ATP8B4: variants seen among roughly 807,000 people sequenced by gnomAD.
ATP8B4 encodes probable phospholipid-transporting ATPase IM.
Under a neutral mutation model 145.6 loss-of-function variants are expected in ATP8B4, and 133 were observed. The ratio of observed to expected loss-of-function variants is 0.91; its 90% CI spans 0.79 to 1.05. The LOEUF (loss-of-function observed/expected upper bound fraction) is 1.05, where lower values mean the gene tolerates loss of function less well. ATP8B4 is among the 50% of genes least tolerant of loss of function. The probability of loss-of-function intolerance (pLI) is 0.00; values close to 1 mark genes in which losing one functional copy is unlikely to be tolerated. For synonymous variants in ATP8B4, 507 were observed against 492.9 expected, an observed-to-expected ratio of 1.03 and a Z score of -0.38; for missense variants, 1,458 against 1,425.2, an observed-to-expected ratio of 1.02 and a Z score of -0.37.
At chr15:50,115,645 T>A (rs1472668281) in intron 1 of ATP8B4, among the ~76,000 whole-genome samples, 1 of 151,952 alleles carries the variant, frequency 6.6e-6, no homozygotes, top group Non-Finnish European at 1.5e-5. Context: ...ATAGGAAGAA[T>A]GTGCAGTGAT....
At chr15:50,023,783 AAAAAAAAAAAAAAG>A (rs983073846) in intron 6 of ATP8B4, among the ~76,000 whole-genome samples, 9 of 147,114 alleles carry the variant, frequency 6.1e-5, no homozygotes, top group African/African-American at 2.2e-4. Flanking sequence ...CAAAGGCAAA[AAAAAAAAAAAAAAG>A]AAAAAAAAGA....
intron 6 of ATP8B4, among the ~76,000 whole-genome samples, chr15:50,015,813 T>A (rs181221310): frequency 2.0e-5 from 3 of 152,332 alleles, no homozygotes; most frequent in Non-Finnish European, 4.4e-5. Context: ...TTGGAATCTA[T>A]TTATTTTAAA....
intron 1 of ATP8B4, among the ~76,000 whole-genome samples, chr15:50,168,098 T>C (rs1233617499): frequency 6.6e-6 from 1 of 151,584 alleles, no homozygotes; most frequent in East Asian, 1.9e-4. Flanking sequence ...AAGAATTGAA[T>C]AAGAAGAAAA....
rs539161376 is a variant in ATP8B4, at chr15:49,929,195, G to T, written c.1642+1924C>A. Among the ~76,000 whole-genome samples, 67 of 152,194 alleles carry T rather than the reference G, an allele frequency of 4.4e-4. 2 individuals carry two copies. In the South Asian group the frequency reaches 0.012, roughly 28 times the overall value. ...AAAAGACCAGATTTTGGAAAACCTG[G>T]GTTCACATATCTGATCTGCCTCTTA... On this transcript the variant is annotated intron_variant, in intron 16 of 27. Transcript: ENST00000284509.
At chr15:50,071,894 C>A (rs554652377) in intron 3 of ATP8B4, among the ~76,000 whole-genome samples, 1 of 152,244 alleles carries the variant, frequency 6.6e-6, no homozygotes, top group East Asian at 1.9e-4. Flanking sequence ...AATGAGAAAT[C>A]TGTCATGGAG....
chr15:50,088,275 T>A (rs2055352113), intron 2 of ATP8B4, among the ~76,000 whole-genome samples: 1 of 151,666 alleles, frequency 6.6e-6, no homozygotes, highest in Non-Finnish European at 1.5e-5. Context: ...CCCAGCTACT[T>A]GGGAAGAATT....
At chr15:50,094,300 T>A (rs1414987330) in intron 2 of ATP8B4, among the ~76,000 whole-genome samples, 1 of 152,030 alleles carries the variant, frequency 6.6e-6, no homozygotes, top group Non-Finnish European at 1.5e-5. Context: ...GACATCAGTT[T>A]TTTCTTGCCT....
chr15:50,171,729 GAAAC>G (rs369339104), intron 1 of ATP8B4, among the ~76,000 whole-genome samples: 13,713 of 151,770 alleles, frequency 0.09, 817 homozygotes, highest in African/African-American at 0.16. Flanking sequence ...AAATGAAATT[GAAAC>G]AAACAAACAA....
At chr15:49,979,438 T>C (rs2045967862) in intron 12 of ATP8B4, among the ~76,000 whole-genome samples, 179 bp downstream of exon 12, 1 of 152,184 alleles carries the variant, frequency 6.6e-6, no homozygotes, top group African/African-American at 2.4e-5. Flanking sequence ...TTATTGTAAT[T>C]TGAAAACATA....
chr15:49,899,272 A>G lies in ATP8B4; in HGVS notation c.2290-1021T>C, dbSNP rs139661243. 2.0e-3 allele frequency among the ~76,000 whole-genome samples: 301 copies of G among 152,242 alleles called. 1 individual carries two copies. The highest frequency in any genetic ancestry group is 6.7e-3 in the African/African-American group (277 of 41,540). ...GAAGTCTTCCCTGATTCTCCCACAAAGAAGTAAATTTGTCTCCCTCTGTGC... is the reference window on the plus strand; with the variant it reads ...GAAGTCTTCCCTGATTCTCCCACAAGGAAGTAAATTTGTCTCCCTCTGTGC... On this transcript the variant is annotated intron_variant, in intron 21 of 27. Coordinates refer to ENST00000284509, the MANE Select transcript of ATP8B4 (RefSeq NM_024837.4).
intron 2 of ATP8B4, among the ~76,000 whole-genome samples, chr15:50,080,420 T>C (rs954988237): frequency 6.6e-6 from 1 of 152,180 alleles, no homozygotes; most frequent in Admixed American, 6.5e-5. Flanking sequence ...AATTATCTCA[T>C]AGGGCTGATG....
chr15:50,060,153 TA>T (rs1567284053), intron 3 of ATP8B4, among the ~76,000 whole-genome samples: 2 of 152,148 alleles, frequency 1.3e-5, no homozygotes, highest in African/African-American at 2.4e-5. Context: ...ATTCCAGAAC[TA>T]AAGAAAAGCT....
chr15:50,011,956 G>A (rs71469671), intron 6 of ATP8B4, among the ~76,000 whole-genome samples: 8 of 151,988 alleles, frequency 5.3e-5, no homozygotes, highest in Non-Finnish European at 8.8e-5. Flanking sequence ...ATATTTATTC[G>A]ACTGTGAAAT....
chr15:50,095,009 G>A (rs1355659478), intron 2 of ATP8B4, among the ~76,000 whole-genome samples: 2 of 152,002 alleles, frequency 1.3e-5, no homozygotes, highest in Non-Finnish European at 2.9e-5. Flanking sequence ...CCAGTTGTAA[G>A]CAATATAGAA....
At chr15:50,001,030 T>C (rs1232874983) in intron 8 of ATP8B4, among the ~76,000 whole-genome samples, 1 of 152,104 alleles carries the variant, frequency 6.6e-6, no homozygotes, top group Non-Finnish European at 1.5e-5. Context: ...CCATGGTTCA[T>C]GCATAATATG....
intron 13 of ATP8B4, among the ~76,000 whole-genome samples, chr15:49,968,749 G>C (rs764805269): frequency 2.6e-5 from 4 of 152,138 alleles, no homozygotes; most frequent in Admixed American, 6.5e-5. Context: ...TTCAGCACTT[G>C]AACTCAACTC....
At chr15:49,970,937 A>G (rs1223213063) in intron 13 of ATP8B4, among the ~76,000 whole-genome samples, 2 of 152,200 alleles carry the variant, frequency 1.3e-5, no homozygotes, top group African/African-American at 4.8e-5. Context: ...AGACCAACTG[A>G]ACAGAACAGA....
At chr15:50,103,429 GCC>G (rs1207995598) in intron 2 of ATP8B4, among the ~76,000 whole-genome samples, 6 of 152,020 alleles carry the variant, frequency 3.9e-5, no homozygotes, top group Non-Finnish European at 8.8e-5. Flanking sequence ...CAAATCAGTA[GCC>G]CTGCTATACA....
chr15:49,918,584 A>AT (rs1357771580), intron 19 of ATP8B4, among the ~76,000 whole-genome samples: 5 of 152,192 alleles, frequency 3.3e-5, no homozygotes, highest in Non-Finnish European at 5.9e-5. Flanking sequence ...TCTAGGTGTA[A>AT]TGATTATATT....
Sources: gnomAD v4.1 joint callset for allele counts (sites outside exome capture counted in the v4.1 genomes callset) on GRCh38, gnomAD v4.1.1 for gene constraint, MANE v1.5 for transcripts, NCBI Gene and HGNC (gene_info 2026-07-23, HGNC 2026-07-21) for gene names.